Variants in TEX11 observed in about 807,000 individuals in gnomAD.
TEX11 encodes testis expressed 11.
In TEX11, 7 loss-of-function variants were observed where a neutral mutation model predicts 84.4. The observed-to-expected ratio is 0.08, with a 90% confidence interval of 0.05 to 0.16. TEX11 has a LOEUF of 0.16. Ranked by LOEUF, TEX11 falls within the 10% of genes least tolerant of loss-of-function variation. TEX11 has a pLI of 1.00. For synonymous variants in TEX11, 264 were observed against 222.8 expected (o/e 1.18, Z -1.64); for missense variants, 551 against 660.5 (o/e 0.83, Z 1.82).
At chrX:70,625,018 T>C in intron 18 of TEX11, 94 bp from the exon 19 acceptor site, 1 of 590,993 alleles carries the variant, frequency 1.7e-6, no homozygotes, top group Non-Finnish European at 2.5e-6. Flanking sequence ...AAGACAAATA[T>C]CTAAACATGT....
intron 2 of TEX11, among the ~76,000 whole-genome samples, chrX:70,885,112 A>G (rs2091701239): frequency 9.0e-6 from 1 of 110,939 alleles, no homozygotes. Context: ...TATAGCTTCC[A>G]GCTTCTCTCT....
chrX:70,860,760 G>T, intron 5 of TEX11, 97 bp downstream of exon 5: 1 of 559,190 alleles, frequency 1.8e-6, no homozygotes, highest in Non-Finnish European at 2.9e-6. Context: ...AGCACTAAAA[G>T]ATTCAACCCC....
Position 70,907,827 on chromosome X carries a change from T to A in TEX11, c.-21-17A>T. ...GGCTCAAGCCTGTGAAATAATAACATATTTTAATACTCTGTTTTATCCTCT... is the reference window on the plus strand; with the variant it reads ...GGCTCAAGCCTGTGAAATAATAACAAATTTTAATACTCTGTTTTATCCTCT... On this transcript the variant is annotated splice_polypyrimidine_tract_variant and intron_variant, in intron 1 of 29. Transcript: ENST00000374333. 2 of 1,012,252 alleles carry A rather than the reference T, an allele frequency of 2.0e-6. No homozygotes were observed. The highest frequency in any genetic ancestry group is 3.8e-5 in the South Asian group (2 of 52,169). 83.4% of individuals were successfully genotyped at this position (1,012,252 alleles called of 1,213,427 possible).
intron 7 of TEX11, among the ~76,000 whole-genome samples, chrX:70,846,718 G>A (rs1394428554): frequency 8.9e-6 from 1 of 111,864 alleles, no homozygotes; most frequent in East Asian, 2.8e-4. Flanking sequence ...GAGGCGAGGA[G>A]TTCAAGGCCA....
intron 9 of TEX11, among the ~76,000 whole-genome samples, chrX:70,793,162 C>A (rs940026751): frequency 6.3e-5 from 7 of 111,449 alleles, no homozygotes; most frequent in Non-Finnish European, 7.5e-5. Context: ...TGATAAAAAA[C>A]CCCCAATACA....
chrX:70,526,451 C>T (rs2087823250), downstream of TEX11, among the ~76,000 whole-genome samples: 1 of 110,111 alleles, frequency 9.1e-6, no homozygotes, highest in Admixed American at 9.7e-5. Context: ...TGCCTGTAGT[C>T]TCAGCTACTT....
chrX:70,735,999 T>C (rs1010435034), intron 11 of TEX11, among the ~76,000 whole-genome samples: 17 of 111,678 alleles, frequency 1.5e-4, no homozygotes, highest in African/African-American at 5.5e-4. Flanking sequence ...CTTTTTTATA[T>C]TATGGTTAAT....
chrX:70,903,270 G>A (rs374540305), intron 2 of TEX11, among the ~76,000 whole-genome samples: 3 of 111,357 alleles, frequency 2.7e-5, no homozygotes, highest in South Asian at 8.0e-4. Flanking sequence ...TAAACCAGTA[G>A]CATAGTCATT....
intron 25 of TEX11, among the ~76,000 whole-genome samples, chrX:70,563,819 T>G (rs73216774): frequency 0.13 from 14,500 of 112,325 alleles, 765 homozygotes; most frequent in Middle Eastern, 0.2. Flanking sequence ...TGCACTCATT[T>G]TTGAATGTTG....
At chrX:70,723,367 T>C (rs1380860561) in intron 12 of TEX11, among the ~76,000 whole-genome samples, 1 of 111,453 alleles carries the variant, frequency 9.0e-6, no homozygotes, top group African/African-American at 3.3e-5. Context: ...CCATTAAAAC[T>C]GTTGAGTATG....
intron 24 of TEX11, among the ~76,000 whole-genome samples, chrX:70,600,694 G>A (rs1279118924): frequency 1.1e-5 from 1 of 94,007 alleles, no homozygotes; most frequent in Non-Finnish European, 2.1e-5. Flanking sequence ...AATCAAACTA[G>A]AACTCAGGAT....
chrX:70,534,849 G>A (rs2087936021), intron 28 of TEX11, among the ~76,000 whole-genome samples: 1 of 111,796 alleles, frequency 8.9e-6, no homozygotes. Flanking sequence ...TATTCACAGA[G>A]TTCTGCCACC....
intron 4 of TEX11, among the ~76,000 whole-genome samples, chrX:70,864,592 A>T (rs1036188007): frequency 4.6e-5 from 5 of 107,815 alleles, no homozygotes; most frequent in Admixed American, 1.0e-4. Context: ...AAAAAAAAAA[A>T]TTAGCTGGGC....
chrX:70,605,007 A>G (rs1185455683), intron 24 of TEX11, among the ~76,000 whole-genome samples: 2 of 111,897 alleles, frequency 1.8e-5, no homozygotes, highest in Non-Finnish European at 3.8e-5. Flanking sequence ...GAAAAACCAG[A>G]TAAGTAATAA....
intron 13 of TEX11, among the ~76,000 whole-genome samples, chrX:70,705,029 C>T (rs1476377139): frequency 9.0e-6 from 1 of 111,440 alleles, no homozygotes; most frequent in Non-Finnish European, 1.9e-5. Context: ...GCCAGTTTTC[C>T]CAGCACCATT....
chrX:70,754,288 T>A (rs1433624312), intron 9 of TEX11, among the ~76,000 whole-genome samples: 3 of 110,711 alleles, frequency 2.7e-5, no homozygotes, highest in Non-Finnish European at 5.7e-5. Flanking sequence ...AAGGAAACAG[T>A]GGTCAGCAGT....
rs1159053126 is a variant in TEX11, at chrX:70,738,577, G to A, written c.843+2124C>T. The stretch of plus-strand genomic sequence containing the variant: ...GGATCTAGAACCAGAAATACCATTT[G>A]TCCCAGCAATCCCATTACTGGGTAT... On this transcript the variant is annotated intron_variant, in intron 11 of 29. Coordinates refer to ENST00000374333, the MANE Select transcript of TEX11 (RefSeq NM_031276.3). 9.8e-5 allele frequency among the ~76,000 whole-genome samples: 11 copies of A among 111,977 alleles called. No homozygotes were observed. The Admixed American group carries it at 1.0e-3, about 11-fold the overall frequency.
At chrX:70,689,068 A>G (rs2147666839) in intron 13 of TEX11, among the ~76,000 whole-genome samples, 1 of 110,427 alleles carries the variant, frequency 9.1e-6, no homozygotes, top group South Asian at 3.8e-4. Flanking sequence ...TTACATGTAT[A>G]CTAAAATTGA....
intron 7 of TEX11, 48 bp from the exon 8 acceptor site, chrX:70,833,641 T>C: frequency 9.8e-7 from 1 of 1,024,973 alleles, no homozygotes; most frequent in Non-Finnish European, 1.4e-6. Flanking sequence ...GACAAGGTTA[T>C]TTGTCTCTAA....
Sources: gnomAD v4.1 joint callset for allele counts (sites outside exome capture counted in the v4.1 genomes callset) on GRCh38, gnomAD v4.1.1 for gene constraint, MANE v1.5 for transcripts, NCBI Gene and HGNC (gene_info 2026-07-23, HGNC 2026-07-21) for gene names.